The following FER1L5 variants were observed in gnomAD, a reference collection of about 807,000 sequenced individuals.
The protein encoded by FER1L5 is fer-1-like protein 5.
A neutral mutation model predicts 279.9 loss-of-function variants in FER1L5; 187 were observed. The ratio of observed to expected loss-of-function variants is 0.67; its 90% CI spans 0.59 to 0.75. FER1L5 has a LOEUF of 0.75. Ranked by LOEUF, FER1L5 falls within the 30% of genes least tolerant of loss-of-function variation. The probability of loss-of-function intolerance (pLI) is 0.00; values close to 1 mark genes in which losing one functional copy is unlikely to be tolerated. For missense variants in FER1L5, 2,091 were observed against 2,594.4 expected, an observed-to-expected ratio of 0.81 and a Z score of 4.21; for synonymous variants, 921 against 989.7, an observed-to-expected ratio of 0.93 and a Z score of 1.30.
chr2:96,664,236 A>T (rs181671238), intron 14 of FER1L5, among the ~76,000 whole-genome samples: 146 of 152,256 alleles, frequency 9.6e-4, no homozygotes, highest in African/African-American at 3.4e-3. Context: ...GATACATTTT[A>T]AAATATGTAC....
At chr2:96,648,181 C>G (rs531280302) in intron 4 of FER1L5, among the ~76,000 whole-genome samples, 1 of 152,304 alleles carries the variant, frequency 6.6e-6, no homozygotes, top group East Asian at 1.9e-4. Context: ...CTCCAGCACC[C>G]GTGAGACAAG....
At chr2:96,647,953 C>T in intron 4 of FER1L5, 67 bp downstream of exon 4, 1 of 1,281,326 alleles carries the variant, frequency 7.8e-7, no homozygotes, top group Non-Finnish European at 1.1e-6. Flanking sequence ...TGAAGCGGCC[C>T]ACACCACAAG....
Position 96,699,918 on chromosome 2 carries a change from C to G in FER1L5, c.4782-14C>G. 1.2e-6 allele frequency: 2 copies of G among 1,612,752 alleles called. No homozygotes were observed. Among genetic ancestry groups the G allele is most frequent in the Non-Finnish European group, 1.7e-6 (2 of 1,179,424 alleles). On this transcript the variant is annotated splice_polypyrimidine_tract_variant and intron_variant, in intron 43 of 52. Coordinates refer to ENST00000624922, the MANE Select transcript of FER1L5 (RefSeq NM_001293083.2). The stretch of plus-strand genomic sequence containing the variant: ...CCCAAACCTCCAGACCTCTTCCTCT[C>G]ACATCCCCCACAGGTCAGGGCCCTT...
At chr2:96,701,225 G>A (rs549687548) in intron 45 of FER1L5, among the ~76,000 whole-genome samples, 5 of 152,338 alleles carry the variant, frequency 3.3e-5, no homozygotes, top group South Asian at 2.1e-4. Flanking sequence ...CACGAGAATC[G>A]CTTGAGCCTG....
In FER1L5 at chr2:96,681,536, AAAT is replaced by A. The variant is rs202043139; in HGVS notation, c.1670-2784_1670-2782del. Among the ~76,000 whole-genome samples, 472 of 152,228 alleles carry A rather than the reference AAAT, an allele frequency of 3.1e-3. 10 individuals are homozygous for A. In the East Asian group the frequency reaches 0.043, roughly 14 times the overall value. On this transcript the variant is annotated intron_variant, in intron 19 of 52. Transcript: ENST00000624922. ...GCTGAGAACCAGTGTTCTCTTTAAA[AAAT>A]AATAATTATTATTTTTTAAAGATAA... is the stretch of plus-strand genomic sequence containing the variant.
Position 96,691,622 on chromosome 2 carries a change from C to T in FER1L5, c.3075+10C>T. The T allele has an allele frequency of 6.6e-7, 1 of 1,514,590 alleles. No homozygotes were observed. Among genetic ancestry groups the T allele is most frequent in the African/African-American group, 1.4e-5 (1 of 72,086 alleles). 93.8% of individuals were successfully genotyped at this position (1,514,590 alleles called of 1,614,324 possible). ...CCTGGAGGGGTCCTTGGTAAAGCCT[C>T]ACAGGCTGGGTGATGCCTGCCTGTA... On this transcript the variant is annotated intron_variant, in intron 29 of 52. Transcript: ENST00000624922. The surrounding 1 kb of genome is among the most constrained non-coding windows in gnomAD (Gnocchi z 6.0).
intron 7 of FER1L5, 30 bp downstream of exon 7, chr2:96,652,050 AGCCAGC>A (rs2075403641): frequency 6.4e-7 from 1 of 1,551,220 alleles, no homozygotes; most frequent in Non-Finnish European, 8.7e-7. Flanking sequence ...TCAGGCAAGG[AGCCAGC>A]CAAGGGCTGG....
At chr2:96,677,259 C>A (rs1030980124) in intron 19 of FER1L5, among the ~76,000 whole-genome samples, 9 of 152,180 alleles carry the variant, frequency 5.9e-5, no homozygotes, top group African/African-American at 2.2e-4. Context: ...AATTTACATA[C>A]CACAGAATTC....
chr2:96,671,709 C>T (rs2076335460), intron 18 of FER1L5, among the ~76,000 whole-genome samples: 1 of 152,166 alleles, frequency 6.6e-6, no homozygotes, highest in African/African-American at 2.4e-5. Flanking sequence ...GAGGATGCCA[C>T]AGTCTAAGAG....
chr2:96,704,377 TG>T lies in FER1L5; in HGVS notation c.5949+20del, dbSNP rs750017882. ...ATTCAGCTCCGGTGAGTGGCAGCCATGGGGGCAAGGACAAAGGTGGTCTCGG... is the reference window on the plus strand; with the variant it reads ...ATTCAGCTCCGGTGAGTGGCAGCCATGGGGCAAGGACAAAGGTGGTCTCGG... On this transcript the variant is annotated intron_variant, in intron 52 of 52. Coordinates refer to ENST00000624922, the MANE Select transcript of FER1L5 (RefSeq NM_001293083.2). 1.9e-5 allele frequency: 31 copies of T among 1,613,564 alleles called. No homozygotes were observed. Among genetic ancestry groups the T allele is most frequent in the Non-Finnish European group, 2.5e-5 (30 of 1,179,656 alleles).
rs1558853488 is a variant in FER1L5 at position 96,659,354 on chromosome 2, C to CTTTCTTTCT, written c.748-985_748-984insTCTTTCTTT. 1.2e-4 allele frequency among the ~76,000 whole-genome samples: 8 copies of CTTTCTTTCT among 64,430 alleles called. 1 individual carries two copies. In the East Asian group the frequency reaches 3.8e-3, roughly 31 times the overall value. The allele number at this position is 64,430 out of a possible 152,430, so 42.3% of individuals were successfully genotyped here. On this transcript the variant is annotated intron_variant, in intron 9 of 52. Coordinates refer to ENST00000624922, the MANE Select transcript of FER1L5 (RefSeq NM_001293083.2). The stretch of plus-strand genomic sequence containing the variant: ...CCTTCCTTCCTTCCTTCCTTCCTTC[C>CTTTCTTTCT]TTCCTTCCTTCTTTCTTTCTTTCTT...
Position 96,642,798 on chromosome 2 carries a change from C to A in FER1L5, c.-39C>A, listed in dbSNP as rs549340404. ...AGGAGCTCCAAAAAGGAAGCTGTGG[C>A]GCTGCGTAGGGAAGGAGGGAAGAAA... On this transcript the variant is annotated 5_prime_UTR_variant, in exon 1 of 53. Transcript: ENST00000624922. 2 of 1,541,670 alleles carry A rather than the reference C, an allele frequency of 1.3e-6. No homozygotes were observed. Among genetic ancestry groups the A allele is most frequent in the South Asian group, 1.2e-5 (1 of 82,874 alleles).
In FER1L5 at chr2:96,699,152, C is replaced by T. The variant is rs771656088; in HGVS notation, c.4610+16C>T. 2 of 1,593,580 alleles carry T rather than the reference C, an allele frequency of 1.3e-6. No individual in the cohort carries two copies. On this transcript the variant is annotated intron_variant, in intron 42 of 52. Transcript: ENST00000624922. Reference sequence around the variant, plus strand: ...TCTTTGGCATGTGAGCTGCCCCAACCCCCAAGACCCCTTCTCCACTCCTAT... The same window carrying T: ...TCTTTGGCATGTGAGCTGCCCCAACTCCCAAGACCCCTTCTCCACTCCTAT...
intron 9 of FER1L5, among the ~76,000 whole-genome samples, chr2:96,659,347 TTCCTTCCTTCCTTCC>T (rs1432662650): frequency 0.016 from 1,387 of 85,254 alleles, 100 homozygotes; most frequent in South Asian, 0.094. Context: ...CCTTCCTTCC[TTCCTTCCTTCCTTCC>T]TTCTTTCTTT....
At chr2:96,659,033 C>T (rs1036802096) in intron 9 of FER1L5, among the ~76,000 whole-genome samples, 3 of 151,986 alleles carry the variant, frequency 2.0e-5, no homozygotes, top group African/African-American at 7.2e-5. Context: ...GCAAGCTCCA[C>T]CCCCTGGGTT....
Position 96,668,894 on chromosome 2 carries a change from AGGACTGCCCGGATGAGATTG to A in FER1L5, c.1202_1221del (p.Pro401GlnfsTer36). On this transcript the variant is annotated frameshift_variant, in exon 16 of 53. Transcript: ENST00000624922. LOFTEE classifies it high-confidence loss of function. ...AGTGTGTTTCTCTCTAGCCGCAAGA[AGGACTGCCCGGATGAGATTG>A]GGACTGCCAGCCTGTCCCTCAACCA... 6.4e-7 allele frequency: 1 copy of A among 1,551,590 alleles called. No individual in the cohort carries two copies. Among genetic ancestry groups the A allele is most frequent in the Middle Eastern group, 1.7e-4 (1 of 5,992 alleles).
At chr2:96,685,243 C>A in intron 20 of FER1L5, 86 bp from the exon 21 acceptor site, 1 of 1,198,832 alleles carries the variant, frequency 8.3e-7, no homozygotes, top group Non-Finnish European at 1.2e-6. Context: ...TGGCTGAAAA[C>A]ATCTTGGGCC....
At position 96,694,263 on chromosome 2, in the gene FER1L5, C is replaced by T. The variant is rs190668026; in HGVS notation, c.3637-97C>T. The T allele has an allele frequency of 4.7e-5, 63 of 1,340,034 alleles. No individual in the cohort carries two copies. The East Asian group carries it at 1.6e-3, about 33-fold the overall frequency. 83.0% of individuals were successfully genotyped at this position (1,340,034 alleles called of 1,614,324 possible). ...CCCCTGCCAGCCCCTACCCATGGGG[C>T]TCTGGGCTCGGTGAGGCCTCTGAGG... On this transcript the variant is annotated intron_variant, in intron 33 of 52. Coordinates refer to ENST00000624922, the MANE Select transcript of FER1L5 (RefSeq NM_001293083.2). This position sits in a 1 kb window ranked among gnomAD's most constrained non-coding sequence, Gnocchi z 4.6.
Position 96,702,811 on chromosome 2 carries a change from C to T in FER1L5, c.5397+70C>T, listed in dbSNP as rs987573649. ...ACCCAGGCTCCTGGAGCTCCTCCCC[C>T]CACCCCTCCAGAGGCTTGCAATCTG... On this transcript the variant is annotated intron_variant, in intron 48 of 52. Coordinates refer to ENST00000624922, the MANE Select transcript of FER1L5 (RefSeq NM_001293083.2). This position sits in a 1 kb window ranked among gnomAD's most constrained non-coding sequence, Gnocchi z 4.0. 2 of 1,582,850 alleles carry T rather than the reference C, an allele frequency of 1.3e-6. No individual in the cohort carries two copies. The highest frequency in any genetic ancestry group is 1.8e-5 in the Admixed American group (1 of 55,370).
Sources: allele counts gnomAD v4.1 joint callset (sites outside exome capture counted in the v4.1 genomes callset), GRCh38; gene constraint gnomAD v4.1.1; non-coding constraint Gnocchi (gnomAD v3.1); transcripts MANE v1.5; gene names NCBI Gene and HGNC (gene_info 2026-07-23, HGNC 2026-07-21).